Variants in ST7 observed in about 807,000 individuals in gnomAD.
The protein encoded by ST7 is suppressor of tumorigenicity 7 protein.
ST7 carries 28 observed loss-of-function variants against 78.7 expected under a neutral mutation model. The ratio of observed to expected loss-of-function variants is 0.36; its 90% CI spans 0.26 to 0.49. The LOEUF is 0.49. ST7 is among the 20% of genes least tolerant of loss of function. The probability of loss-of-function intolerance (pLI) is 0.99; values close to 1 mark genes in which losing one functional copy is unlikely to be tolerated. For synonymous variants in ST7, 247 were observed against 249.6 expected (o/e 0.99, Z 0.10); for missense variants, 418 against 696.0 (o/e 0.60, Z 4.49).
chr7:116,963,499 G>GC (rs891421492), intron 1 of ST7, among the ~76,000 whole-genome samples: 184 of 152,280 alleles, frequency 1.2e-3, no homozygotes, highest in African/African-American at 4.3e-3. Flanking sequence ...CTGTTTAATT[G>GC]CAGTTACCAA....
chr7:116,972,314 C>G, intron 1 of ST7: 2 of 587,320 alleles, frequency 3.4e-6, no homozygotes, highest in East Asian at 6.3e-5. Flanking sequence ...TCACGGGCCT[C>G]TCCCTCCTTG....
At chr7:116,965,068 G>A (rs944847863) in intron 1 of ST7, among the ~76,000 whole-genome samples, 14 of 152,096 alleles carry the variant, frequency 9.2e-5, no homozygotes, top group Non-Finnish European at 1.3e-4. Context: ...GGCCGGGCGC[G>A]GTGGCTCACG....
intron 9 of ST7, among the ~76,000 whole-genome samples, chr7:117,152,162 T>TA (rs1489421076): frequency 4.2e-5 from 5 of 118,276 alleles, no homozygotes; most frequent in Non-Finnish European, 8.3e-5. Flanking sequence ...AATATATGTA[T>TA]TATATATATA....
chr7:117,126,447 C>A (rs1477394273), intron 3 of ST7, among the ~76,000 whole-genome samples: 1 of 151,472 alleles, frequency 6.6e-6, no homozygotes, highest in African/African-American at 2.4e-5. Context: ...AATATTTATT[C>A]CCTCTGTAGA....
chr7:117,219,193 T>G lies in ST7; in HGVS notation c.1498+17T>G. The G allele has an allele frequency of 1.3e-6, 2 of 1,599,830 alleles. No individual in the cohort carries two copies. The highest frequency in any genetic ancestry group is 1.3e-5 in the African/African-American group (1 of 74,632). On this transcript the variant is annotated intron_variant, in intron 14 of 15. Transcript: ENST00000323984. This position sits in a 1 kb window ranked among gnomAD's most constrained non-coding sequence, Gnocchi z 5.1. ...TGCTTCCATGTAAGTCTCACCTCTC[T>G]TCAGCCAGTGAGGGTGTGTGGTGAA...
intron 10 of ST7, among the ~76,000 whole-genome samples, chr7:117,177,849 G>A (rs1422473692): frequency 6.6e-6 from 1 of 152,162 alleles, no homozygotes; most frequent in African/African-American, 2.4e-5. Context: ...AATTTAAGGA[G>A]AATCCTGTAT....
At chr7:117,189,622 C>A (rs1281753425) in intron 11 of ST7, among the ~76,000 whole-genome samples, 1 of 152,172 alleles carries the variant, frequency 6.6e-6, no homozygotes, top group Non-Finnish European at 1.5e-5. Flanking sequence ...ATTTGAAATT[C>A]CATGCTTCTG....
intron 9 of ST7, among the ~76,000 whole-genome samples, chr7:117,158,029 C>T (rs117790778): frequency 0.01 from 1,543 of 152,284 alleles, 13 homozygotes; most frequent in Middle Eastern, 0.02. Flanking sequence ...CAACCTCACT[C>T]TGGGGTTTGT....
chr7:117,113,113 TGA>T (rs902420667), intron 2 of ST7, among the ~76,000 whole-genome samples: 12 of 152,180 alleles, frequency 7.9e-5, no homozygotes, highest in Non-Finnish European at 1.6e-4. Context: ...CAGCACAAAT[TGA>T]GAGACTTGAA....
intron 1 of ST7, among the ~76,000 whole-genome samples, chr7:116,971,733 T>G (rs1346502496): frequency 6.6e-6 from 1 of 152,160 alleles, no homozygotes; most frequent in Non-Finnish European, 1.5e-5. Flanking sequence ...GGCCTATACC[T>G]TTTCTTCTCT....
At chr7:116,984,098 A>G (rs1185738856) in intron 1 of ST7, among the ~76,000 whole-genome samples, 1 of 146,494 alleles carries the variant, frequency 6.8e-6, no homozygotes, top group Non-Finnish European at 1.5e-5. Context: ...TCCAGTTTGC[A>G]CGTATTTATG....
At chr7:117,195,234 A>G (rs1285111807) in intron 12 of ST7, among the ~76,000 whole-genome samples, 1 of 152,074 alleles carries the variant, frequency 6.6e-6, no homozygotes, top group African/African-American at 2.4e-5. Context: ...AGGGGGGATT[A>G]TCAGATTTTC....
chr7:116,995,297 T>C (rs532232165), intron 1 of ST7, among the ~76,000 whole-genome samples: 27 of 152,330 alleles, frequency 1.8e-4, no homozygotes, highest in African/African-American at 6.0e-4. Flanking sequence ...AAATGAGGAA[T>C]AGTAACCATC....
intron 7 of ST7, among the ~76,000 whole-genome samples, chr7:117,135,475 A>T (rs1584438655): frequency 6.6e-6 from 1 of 152,096 alleles, no homozygotes; most frequent in Non-Finnish European, 1.5e-5. Flanking sequence ...GCAGAAAGTC[A>T]GTGCTAACTG....
chr7:117,093,464 G>C (rs1800783294), intron 1 of ST7, among the ~76,000 whole-genome samples: 1 of 152,214 alleles, frequency 6.6e-6, no homozygotes, highest in African/African-American at 2.4e-5. Context: ...CACTTTGGGA[G>C]GCTGAGTGGG....
At chr7:117,031,178 G>T (rs1796455205) in intron 1 of ST7, among the ~76,000 whole-genome samples, 1 of 151,798 alleles carries the variant, frequency 6.6e-6, no homozygotes, top group South Asian at 2.1e-4. Context: ...AAACACTGGG[G>T]CCTACTTGAA....
rs146220381 is a variant in ST7 at position 117,217,296 on chromosome 7, A to C, written c.1406-1788A>C. On this transcript the variant is annotated intron_variant, in intron 13 of 15. Transcript: ENST00000323984. Reference sequence around the variant, plus strand: ...GGAGAATCTGGATTTGGGAAAAAAAAAAACAAAAAAAAAAACTTCCCACGT... The same window carrying C: ...GGAGAATCTGGATTTGGGAAAAAAACAAACAAAAAAAAAAACTTCCCACGT... Among the ~76,000 whole-genome samples the C allele has an allele frequency of 3.4e-3, 517 of 151,978 alleles. 4 individuals are homozygous for C. The highest frequency in any genetic ancestry group is 0.012 in the African/African-American group (487 of 41,438).
chr7:116,964,322 T>G lies in ST7; in HGVS notation c.151+10631T>G, dbSNP rs77751441. Among the ~76,000 whole-genome samples the G allele has an allele frequency of 6.7e-3, 1,026 of 152,360 alleles. 11 individuals are homozygous for G. The highest frequency in any genetic ancestry group is 0.023 in the African/African-American group (953 of 41,576). On this transcript the variant is annotated intron_variant, in intron 1 of 15. Coordinates refer to ENST00000323984, the MANE Select transcript of ST7 (RefSeq NM_001369598.1). ...CTTGGGAATGAGAATGAAATTTACT[T>G]CCCTACAAATTGGGTTTTTTCATTT...
At chr7:117,191,053 G>A in intron 12 of ST7, 117 bp downstream of exon 12, 1 of 792,446 alleles carries the variant, frequency 1.3e-6, no homozygotes, top group Non-Finnish European at 2.1e-6. Context: ...ACCAACAAAT[G>A]TTGAGACCCT....
Sources: allele counts gnomAD v4.1 joint callset (sites outside exome capture counted in the v4.1 genomes callset), GRCh38; gene constraint gnomAD v4.1.1; non-coding constraint Gnocchi (gnomAD v3.1); transcripts MANE v1.5; gene names NCBI Gene and HGNC (gene_info 2026-07-23, HGNC 2026-07-21).